The following ZNF407 variants were observed in gnomAD, a reference collection of about 807,000 sequenced individuals.
The protein encoded by ZNF407 is zinc finger protein 407.
A neutral mutation model predicts 131.2 loss-of-function variants in ZNF407; 17 were observed. The observed-to-expected ratio is 0.13, with a 90% CI of 0.09 to 0.19. The LOEUF (loss-of-function observed/expected upper bound fraction) is 0.19, where lower values mean the gene tolerates loss of function less well. Among genes scored for constraint, ZNF407 ranks in the 10% least tolerant of loss-of-function variants. The probability of loss-of-function intolerance (pLI) is 1.00; values close to 1 mark genes in which losing one functional copy is unlikely to be tolerated. For synonymous variants in ZNF407, 1,156 were observed against 1,062.0 expected (o/e 1.09, Z -1.72); for missense variants, 2,681 against 2,830.6 (o/e 0.95, Z 1.20).
At chr18:74,938,795 C>T (rs912176643) in intron 8 of ZNF407, among the ~76,000 whole-genome samples, 1 of 152,148 alleles carries the variant, frequency 6.6e-6, no homozygotes, top group African/African-American at 2.4e-5. Context: ...TAAGAAGGAC[C>T]ATCAGGATAG....
At chr18:74,855,665 T>C (rs1367473040) in intron 4 of ZNF407, among the ~76,000 whole-genome samples, 1 of 152,238 alleles carries the variant, frequency 6.6e-6, no homozygotes, top group Non-Finnish European at 1.5e-5. Context: ...CACCATAAGA[T>C]TTCTCAAAAG....
intron 1 of ZNF407, among the ~76,000 whole-genome samples, chr18:74,610,992 CTCA>C (rs1983034585): frequency 6.6e-6 from 1 of 152,168 alleles, no homozygotes; most frequent in Non-Finnish European, 1.5e-5. Context: ...CAGAATAAAC[CTCA>C]ATGAAGTAAT....
At chr18:74,878,744 T>C (rs1337961339) in intron 5 of ZNF407, among the ~76,000 whole-genome samples, 1 of 152,128 alleles carries the variant, frequency 6.6e-6, no homozygotes, top group Non-Finnish European at 1.5e-5. Flanking sequence ...TCCCATTATA[T>C]CTCTGCTATC....
In ZNF407 at chr18:74,969,126, T is replaced by G. The variant is rs551486110; in HGVS notation, c.5428+48434T>G. On this transcript the variant is annotated intron_variant, in intron 8 of 8. Coordinates refer to ENST00000299687, the MANE Select transcript of ZNF407 (RefSeq NM_017757.3). ...AATTCCATTTGCTTCATTTTTGTAA[T>G]TTCTGTTCATTTGCTGAGATTGACA... 5.3e-5 allele frequency among the ~76,000 whole-genome samples: 8 copies of G among 152,360 alleles called. No homozygotes were observed. In the South Asian group the frequency reaches 1.7e-3, roughly 32 times the overall value.
At chr18:74,676,258 A>AT (rs1338976283) in intron 3 of ZNF407, among the ~76,000 whole-genome samples, 3 of 151,574 alleles carry the variant, frequency 2.0e-5, no homozygotes. Flanking sequence ...CGCCCGGCTA[A>AT]TTTTTTGTGT....
chr18:74,982,533 C>CA (rs1972604832), intron 8 of ZNF407, among the ~76,000 whole-genome samples: 1 of 152,310 alleles, frequency 6.6e-6, no homozygotes, highest in Middle Eastern at 3.4e-3. Context: ...TGGAAACTTA[C>CA]AAAGCTCAGA....
intron 4 of ZNF407, among the ~76,000 whole-genome samples, chr18:74,833,413 G>A (rs1041004078): frequency 7.9e-5 from 12 of 152,216 alleles, no homozygotes; most frequent in Admixed American, 3.9e-4. Context: ...GGTGCTGGAG[G>A]TGACACTGCT....
intron 8 of ZNF407, among the ~76,000 whole-genome samples, chr18:74,964,396 A>G (rs1325146333): frequency 2.6e-5 from 4 of 152,210 alleles, no homozygotes; most frequent in Admixed American, 6.5e-5. Flanking sequence ...GGTTGGCAAT[A>G]AAATCACTAA....
At chr18:74,995,430 T>C (rs988452236) in intron 8 of ZNF407, among the ~76,000 whole-genome samples, 2 of 152,114 alleles carry the variant, frequency 1.3e-5, no homozygotes, top group Non-Finnish European at 2.9e-5. Flanking sequence ...GGTGGACCAG[T>C]TGTGAAGTGG....
rs931139144 is a variant in ZNF407, at chr18:74,982,955, GA to G, written c.5428+62271del. On this transcript the variant is annotated intron_variant, in intron 8 of 8. Transcript: ENST00000299687. ...TTACTTCCCAAGTGTAAAGTTGTCT[GA>G]AAAAAAATTTTTTTCCTTTTATCAT... Among the ~76,000 whole-genome samples the G allele has an allele frequency of 7.9e-5, 12 of 151,840 alleles. No individual in the cohort carries two copies. The East Asian group carries it at 1.2e-3, about 15-fold the overall frequency.
intron 3 of ZNF407, among the ~76,000 whole-genome samples, chr18:74,734,908 C>T (rs1055203709): frequency 1.2e-4 from 18 of 152,130 alleles, no homozygotes; most frequent in African/African-American, 4.1e-4. Context: ...TAGGAATGAT[C>T]TCTTTATTTT....
At position 74,850,926 on chromosome 18, in the gene ZNF407, A is replaced by G. The variant is rs141982017; in HGVS notation, c.4878-26271A>G. Among the ~76,000 whole-genome samples, 36 of 152,306 alleles carry G rather than the reference A, an allele frequency of 2.4e-4. 1 individual carries two copies. The highest frequency in any genetic ancestry group is 7.9e-4 in the African/African-American group (33 of 41,566). On this transcript the variant is annotated intron_variant, in intron 4 of 8. Transcript: ENST00000299687. ...TGTCTGAAACTGCATTAGGCTCTCA[A>G]TAAAGATTTCTTAAATGAATGAGTG...
intron 3 of ZNF407, among the ~76,000 whole-genome samples, chr18:74,720,581 A>G (rs1357523095): frequency 6.6e-6 from 1 of 152,106 alleles, no homozygotes; most frequent in Non-Finnish European, 1.5e-5. Flanking sequence ...TCTCAGACCA[A>G]TGTCCTGAAG....
chr18:74,795,293 A>T (rs2145058116), intron 4 of ZNF407, among the ~76,000 whole-genome samples: 1 of 152,316 alleles, frequency 6.6e-6, no homozygotes, highest in East Asian at 1.9e-4. Flanking sequence ...AGCCAAATTA[A>T]TTTAGCCATT....
chr18:74,691,377 A>G (rs754639219), intron 3 of ZNF407, among the ~76,000 whole-genome samples: 12 of 151,754 alleles, frequency 7.9e-5, no homozygotes, highest in Non-Finnish European at 1.8e-4. Context: ...TTATTATAGT[A>G]TTACCTTTTC....
intron 4 of ZNF407, among the ~76,000 whole-genome samples, chr18:74,829,271 T>C (rs1277120154): frequency 1.3e-5 from 2 of 152,226 alleles, no homozygotes; most frequent in Non-Finnish European, 2.9e-5. Flanking sequence ...GTAGTCAGAA[T>C]GCACTGTTTA....
chr18:74,809,401 A>T (rs1277671437), intron 4 of ZNF407, among the ~76,000 whole-genome samples: 4 of 152,192 alleles, frequency 2.6e-5, no homozygotes, highest in Admixed American at 2.0e-4. Flanking sequence ...CTTTCTCTTT[A>T]TAGAAATATG....
intron 7 of ZNF407, among the ~76,000 whole-genome samples, chr18:74,897,265 G>A (rs1267733312): frequency 6.6e-6 from 1 of 152,092 alleles, no homozygotes; most frequent in African/African-American, 2.4e-5. Context: ...TTATAAATTG[G>A]TTCACATGTC....
At chr18:74,682,357 A>G (rs1967004159) in intron 3 of ZNF407, among the ~76,000 whole-genome samples, 1 of 152,182 alleles carries the variant, frequency 6.6e-6, no homozygotes, top group Non-Finnish European at 1.5e-5. Flanking sequence ...GTTTCAACAG[A>G]GCGGGGCAGC....
Sources: allele counts gnomAD v4.1 joint callset (sites outside exome capture counted in the v4.1 genomes callset), GRCh38; gene constraint gnomAD v4.1.1; transcripts MANE v1.5; gene names NCBI Gene and HGNC (gene_info 2026-07-23, HGNC 2026-07-21).